Variants in EXOC6B observed in about 807,000 individuals in gnomAD.
The protein encoded by EXOC6B is SEC15 homolog B.
A neutral mutation model predicts 113.5 loss-of-function variants in EXOC6B; 54 were observed. The observed-to-expected ratio is 0.48, with a 90% CI of 0.38 to 0.60. The LOEUF (loss-of-function observed/expected upper bound fraction) is 0.60. Ranked by LOEUF, EXOC6B falls within the 20% of genes least tolerant of loss-of-function variation. EXOC6B has a pLI of 0.00. For missense variants in EXOC6B, 797 were observed against 977.5 expected (o/e 0.82, Z 2.46); for synonymous variants, 357 against 339.0 (o/e 1.05, Z -0.58).
At chr2:72,208,570 A>G (rs1340762887) in intron 20 of EXOC6B, among the ~76,000 whole-genome samples, 1 of 152,156 alleles carries the variant, frequency 6.6e-6, no homozygotes, top group Non-Finnish European at 1.5e-5. Context: ...CCTTTTTGGT[A>G]GAATGATTTA....
intron 20 of EXOC6B, among the ~76,000 whole-genome samples, chr2:72,233,015 T>C (rs546348093): frequency 6.6e-6 from 1 of 151,080 alleles, no homozygotes; most frequent in East Asian, 1.9e-4. Flanking sequence ...GAGGTTTCAG[T>C]GAGCCGAGAC....
chr2:72,326,622 T>C (rs1293927780), intron 20 of EXOC6B, among the ~76,000 whole-genome samples: 1 of 151,998 alleles, frequency 6.6e-6, no homozygotes, highest in Non-Finnish European at 1.5e-5. Context: ...TGGCACCACG[T>C]CCACATCAAA....
At chr2:72,266,742 T>G (rs1684119280) in intron 20 of EXOC6B, among the ~76,000 whole-genome samples, 1 of 152,190 alleles carries the variant, frequency 6.6e-6, no homozygotes, top group Admixed American at 6.5e-5. Flanking sequence ...ATGCGGGCTC[T>G]TTTTTGGTTC....
At chr2:72,446,067 T>C (rs148662044) in intron 18 of EXOC6B, among the ~76,000 whole-genome samples, 3 of 152,238 alleles carry the variant, frequency 2.0e-5, no homozygotes, top group East Asian at 1.9e-4. Flanking sequence ...AGTTCAACTA[T>C]TGTGGAAAGC....
chr2:72,351,310 A>G (rs1689642241), intron 19 of EXOC6B, among the ~76,000 whole-genome samples: 1 of 152,246 alleles, frequency 6.6e-6, no homozygotes, highest in South Asian at 2.1e-4. Context: ...GTTATTTACA[A>G]TTAAACGGTT....
chr2:72,408,864 A>G (rs1693974953), intron 18 of EXOC6B, among the ~76,000 whole-genome samples: 1 of 152,200 alleles, frequency 6.6e-6, no homozygotes, highest in Admixed American at 6.5e-5. Context: ...AAATTGACAA[A>G]TGGGATCTCA....
intron 6 of EXOC6B, among the ~76,000 whole-genome samples, chr2:72,583,050 T>C (rs1350867167): frequency 6.6e-6 from 1 of 152,128 alleles, no homozygotes; most frequent in Non-Finnish European, 1.5e-5. Flanking sequence ...TTAGGGAATT[T>C]CAAAATACAA....
At chr2:72,525,729 A>G (rs753916832) in intron 8 of EXOC6B, among the ~76,000 whole-genome samples, 1 of 152,084 alleles carries the variant, frequency 6.6e-6, no homozygotes, top group Non-Finnish European at 1.5e-5. Context: ...TTTACTATTT[A>G]AAAAAATCAT....
chr2:72,710,071 A>AT (rs942113834), intron 6 of EXOC6B, among the ~76,000 whole-genome samples: 2 of 152,074 alleles, frequency 1.3e-5, no homozygotes, highest in African/African-American at 4.8e-5. Flanking sequence ...TGCCCAGCTA[A>AT]TTTTTTGTAT....
At chr2:72,549,768 C>T (rs1183479521) in intron 8 of EXOC6B, among the ~76,000 whole-genome samples, 1 of 151,886 alleles carries the variant, frequency 6.6e-6, no homozygotes, top group Non-Finnish European at 1.5e-5. Flanking sequence ...AGGCAAGACA[C>T]AAAGAAAAGT....
At chr2:72,418,980 C>T (rs1475947184) in intron 18 of EXOC6B, among the ~76,000 whole-genome samples, 4 of 151,738 alleles carry the variant, frequency 2.6e-5, no homozygotes, top group East Asian at 1.9e-4. Flanking sequence ...TTTTGTGTAT[C>T]GAGCTATTTT....
Position 72,493,475 on chromosome 2 carries a change from C to A in EXOC6B, c.1554-1046G>T, listed in dbSNP as rs562529909. Among the ~76,000 whole-genome samples the A allele has an allele frequency of 7.3e-5, 11 of 151,368 alleles. No individual in the cohort carries two copies. In the South Asian group the frequency reaches 1.3e-3, roughly 17 times the overall value. On this transcript the variant is annotated intron_variant, in intron 15 of 21. Coordinates refer to ENST00000272427, the MANE Select transcript of EXOC6B (RefSeq NM_015189.3). ...AAGCAAGATTAAAAGAAAAAAAAAA[C>A]CATATCAGAAGTGTTATTACTATGT... is the stretch of plus-strand genomic sequence containing the variant.
chr2:72,334,568 A>C (rs1572929092), intron 20 of EXOC6B, among the ~76,000 whole-genome samples: 1 of 152,146 alleles, frequency 6.6e-6, no homozygotes, highest in East Asian at 1.9e-4. Context: ...ATCTACAAAC[A>C]AAACTTCTCC....
intron 6 of EXOC6B, among the ~76,000 whole-genome samples, chr2:72,609,522 T>TA (rs35677129): frequency 9.5e-4 from 132 of 138,762 alleles, no homozygotes; most frequent in East Asian, 1.0e-3. Flanking sequence ...TAAAAATAAT[T>TA]AAAAAAAAAA....
intron 7 of EXOC6B, among the ~76,000 whole-genome samples, chr2:72,564,153 C>G (rs1415620120): frequency 6.6e-6 from 1 of 152,144 alleles, no homozygotes; most frequent in Non-Finnish European, 1.5e-5. Flanking sequence ...GAGCGATATA[C>G]TATGACAGAT....
At chr2:72,235,722 C>T (rs1681919438) in intron 20 of EXOC6B, among the ~76,000 whole-genome samples, 1 of 151,990 alleles carries the variant, frequency 6.6e-6, no homozygotes, top group Admixed American at 6.6e-5. Flanking sequence ...GAATATGCTG[C>T]CTGTTTCATG....
chr2:72,752,612 C>T (rs1359311445), intron 1 of EXOC6B, among the ~76,000 whole-genome samples: 1 of 149,830 alleles, frequency 6.7e-6, no homozygotes, highest in Admixed American at 6.7e-5. Flanking sequence ...CCTGCCTTTT[C>T]TCAGTTAAGA....
chr2:72,407,600 C>G (rs1326547524), intron 18 of EXOC6B, among the ~76,000 whole-genome samples: 2 of 152,124 alleles, frequency 1.3e-5, no homozygotes, highest in Non-Finnish European at 2.9e-5. Context: ...ATAAACAGAA[C>G]CAATGACAAA....
intron 1 of EXOC6B, among the ~76,000 whole-genome samples, chr2:72,771,755 G>A (rs1271302710): frequency 6.6e-6 from 1 of 152,106 alleles, no homozygotes; most frequent in African/African-American, 2.4e-5. Flanking sequence ...TGGAAGGATC[G>A]CTTCAGGCCA....
Sources: gnomAD v4.1 joint callset for allele counts (sites outside exome capture counted in the v4.1 genomes callset) on GRCh38, gnomAD v4.1.1 for gene constraint, MANE v1.5 for transcripts, NCBI Gene and HGNC (gene_info 2026-07-23, HGNC 2026-07-21) for gene names.